Variants in PIK3C2A observed in about 807,000 individuals in gnomAD.
PIK3C2A encodes phosphatidylinositol-4-phosphate 3-kinase catalytic subunit type 2 alpha, also known as phosphatidylinositol 4-phosphate 3-kinase C2 domain-containing subunit alpha.
A neutral mutation model predicts 204.5 loss-of-function variants in PIK3C2A; 97 were observed. The observed-to-expected ratio is 0.47, with a 90% CI of 0.40 to 0.56. The LOEUF (loss-of-function observed/expected upper bound fraction) is 0.56. Among genes scored for constraint, PIK3C2A ranks in the 20% least tolerant of loss-of-function variants. The pLI is 0.00. For synonymous variants in PIK3C2A, 653 were observed against 664.4 expected, an observed-to-expected ratio of 0.98 and a Z score of 0.26; for missense variants, 1,735 against 1,969.2, an observed-to-expected ratio of 0.88 and a Z score of 2.25.
Position 17,135,129 on chromosome 11 carries a change from T to G in PIK3C2A, c.1879A>C (p.Ser627Arg). The G allele has an allele frequency of 6.2e-7, 1 of 1,614,068 alleles. No individual in the cohort carries two copies. Among genetic ancestry groups the G allele is most frequent in the South Asian group, 1.1e-5 (1 of 91,080 alleles). ...CACATACCCCTAGTTGAACTCCTGC[T>G]AGTGTCTTCTCCTCCAAACAAAGAA... ...VTSLFGGEDT[S>R]RSSTRGSLNP... The change falls in exon 10 of 33, where the codon AGC becomes CGC. Residue 627 changes from serine (S) to arginine (R), a missense_variant. Coordinates refer to ENST00000691414, the MANE Select transcript of PIK3C2A (RefSeq NM_002645.4).
intron 1 of PIK3C2A, among the ~76,000 whole-genome samples, chr11:17,207,440 T>A (rs949733680): frequency 5.3e-5 from 8 of 151,994 alleles, no homozygotes; most frequent in African/African-American, 1.9e-4. Context: ...TCGCCAGAAC[T>A]AACAATCTGC....
intron 21 of PIK3C2A, 92 bp from the exon 22 acceptor site, chr11:17,110,653 A>G: frequency 1.7e-6 from 2 of 1,163,908 alleles, no homozygotes; most frequent in Non-Finnish European, 2.4e-6. Context: ...GCACTTTGGG[A>G]GGCCAAAGTG....
At position 17,091,777 on chromosome 11, in the gene PIK3C2A, G is replaced by A; in HGVS notation, c.4643-121C>T. ...GTGCGGACAGAAGGGAGGGGAAAAA[G>A]GAGTAAACAACCTGATAGGTCATTG... On this transcript the variant is annotated intron_variant, in intron 30 of 32. Transcript: ENST00000691414. 7.1e-6 allele frequency: 5 copies of A among 699,794 alleles called. 2 individuals carry two copies. The South Asian group carries it at 9.1e-5, about 13-fold the overall frequency. The allele number at this position is 699,794 out of a possible 1,614,324, so 43.3% of individuals were successfully genotyped here.
At chr11:17,102,290 A>C (rs921457541) in intron 24 of PIK3C2A, among the ~76,000 whole-genome samples, 6 of 152,074 alleles carry the variant, frequency 3.9e-5, no homozygotes, top group African/African-American at 1.4e-4. Flanking sequence ...CAAAAAAATT[A>C]GCCGGGCGTG....
intron 1 of PIK3C2A, among the ~76,000 whole-genome samples, chr11:17,187,527 T>C (rs1403342655): frequency 6.6e-6 from 1 of 152,172 alleles, no homozygotes; most frequent in Non-Finnish European, 1.5e-5. Flanking sequence ...CTGCACCCAT[T>C]AGCAGAGTTT....
At chr11:17,102,093 TAA>T (rs1366255230) in intron 24 of PIK3C2A, among the ~76,000 whole-genome samples, 3 of 152,120 alleles carry the variant, frequency 2.0e-5, no homozygotes, top group Non-Finnish European at 1.5e-5. Flanking sequence ...CATTTCTTTC[TAA>T]GAGTTATCGC....
intron 1 of PIK3C2A, among the ~76,000 whole-genome samples, chr11:17,205,473 CAAAAAAA>C (rs755518412): frequency 0.013 from 321 of 25,362 alleles, no homozygotes; most frequent in South Asian, 0.031. Flanking sequence ...GACTCCATCT[CAAAAAAA>C]AAAAAAAAAA....
rs762596088 is a variant in PIK3C2A at position 17,099,931 on chromosome 11, T to C, written c.4047A>G (p.Gln1349=). ...PSGLPELTSI[Q]DLKYVRDALQ... is the part of the protein sequence containing the mutation. ...GTGCATCTCTAACGTATTTCAAATC[T>C]TGAATACTTGTAAGTTCTGGTAACC... Residue 1349 remains glutamine, a synonymous_variant, in exon 26 of 33, where the codon CAA becomes CAG. Transcript: ENST00000691414. 6.3e-6 allele frequency: 10 copies of C among 1,592,302 alleles called. No individual in the cohort carries two copies. Among genetic ancestry groups the C allele is most frequent in the South Asian group, 1.1e-5 (1 of 90,392 alleles).
At position 17,147,546 on chromosome 11, in the gene PIK3C2A, T is replaced by C; in HGVS notation, c.1531A>G (p.Ser511Gly). The change falls in exon 6 of 33, where the codon AGT becomes GGT. Residue 511 changes from serine (S) to glycine (G), a missense_variant. Ser to Gly is a moderately conservative substitution (Grantham distance 56). Transcript: ENST00000691414. ...TEIRLQLLTF[S>G]AMCQNLARTA... is the part of the protein sequence containing the mutation. ...CGGGCCAGATTTTGACACATTGCAC[T>C]GAAGGTCAAGAGTTGTAGTCTAATT... 1 of 1,609,810 alleles carries C rather than the reference T, an allele frequency of 6.2e-7. No homozygotes were observed. Among genetic ancestry groups the C allele is most frequent in the Non-Finnish European group, 8.5e-7 (1 of 1,176,098 alleles).
At position 17,169,575 on chromosome 11, in the gene PIK3C2A, T is replaced by A; in HGVS notation, c.167A>T (p.Glu56Val). The A allele has an allele frequency of 6.2e-7, 1 of 1,614,172 alleles. No homozygotes were observed. Among genetic ancestry groups the A allele is most frequent in the Admixed American group, 1.7e-5 (1 of 60,028 alleles). ...RQVTDNQRGF[E>V]LSSSTRKKAQ... The stretch of plus-strand genomic sequence containing the variant: ...TTTTTTTCTGGTGCTGCTTGACAAC[T>A]CAAAGCCTCTCTGATTGTCAGTCAC... Residue 56 changes from glutamate (E) to valine (V), a missense_variant, in exon 2 of 33, where the codon GAG becomes GTG. Physicochemically the swap from Glu to Val is moderately radical, Grantham distance 121 (BLOSUM62 -2). Around this residue, in one of 6 missense-constraint regions of PIK3C2A, gnomAD observed 536 missense variants for 546.7 expected, o/e 0.98. Coordinates refer to ENST00000691414, the MANE Select transcript of PIK3C2A (RefSeq NM_002645.4).
At position 17,181,659 on chromosome 11, in the gene PIK3C2A, T is replaced by TACACACACACACAC. The variant is rs71047535; in HGVS notation, c.-65-11867_-65-11854dup. On this transcript the variant is annotated intron_variant, in intron 1 of 32. Coordinates refer to ENST00000691414, the MANE Select transcript of PIK3C2A (RefSeq NM_002645.4). ...ATATATATATATATATATATATATA[T>TACACACACACACAC]ACACACACACACACACACACACACA... Among the ~76,000 whole-genome samples, 42 of 113,124 alleles carry TACACACACACACAC rather than the reference T, an allele frequency of 3.7e-4. 2 individuals are homozygous for TACACACACACACAC. Among genetic ancestry groups the TACACACACACACAC allele is most frequent in the African/African-American group, 1.7e-3 (38 of 22,648 alleles). 74.2% of individuals were successfully genotyped at this position (113,124 alleles called of 152,430 possible). A position where few individuals can be genotyped will look rare whatever the true frequency, so the allele number is the denominator to read the frequency against.
intron 1 of PIK3C2A, among the ~76,000 whole-genome samples, chr11:17,204,021 C>T (rs1179868777): frequency 6.6e-6 from 1 of 151,284 alleles, no homozygotes. Context: ...TTGCAGTGAG[C>T]GGAGATCACG....
intron 23 of PIK3C2A, among the ~76,000 whole-genome samples, chr11:17,104,932 G>A (rs554404204): frequency 6.6e-6 from 1 of 152,082 alleles, no homozygotes; most frequent in East Asian, 1.9e-4. Context: ...TGTTTTGCTG[G>A]CCTCTAAGTA....
chr11:17,166,769 C>T lies in PIK3C2A; in HGVS notation c.1065+1908G>A, dbSNP rs184865999. Among the ~76,000 whole-genome samples the T allele has an allele frequency of 3.0e-4, 45 of 152,316 alleles. No homozygotes were observed. In the East Asian group the frequency reaches 8.5e-3, roughly 29 times the overall value. ...GCCCTTCCCAAACAACTATAAACAG[C>T]TGACATCTTAAATCCAGACTACATC... On this transcript the variant is annotated intron_variant, in intron 2 of 32. Coordinates refer to ENST00000691414, the MANE Select transcript of PIK3C2A (RefSeq NM_002645.4).
At chr11:17,172,037 T>A (rs1851186995) in intron 1 of PIK3C2A, among the ~76,000 whole-genome samples, 1 of 152,232 alleles carries the variant, frequency 6.6e-6, no homozygotes, top group Admixed American at 6.5e-5. Flanking sequence ...AGTATTCACT[T>A]TGAAATTCTT....
chr11:17,161,551 G>C (rs1398006915), intron 2 of PIK3C2A, among the ~76,000 whole-genome samples: 1 of 152,032 alleles, frequency 6.6e-6, no homozygotes, highest in African/African-American at 2.4e-5. Flanking sequence ...TTAACTAAAA[G>C]CCTGATTTAA....
intron 22 of PIK3C2A, among the ~76,000 whole-genome samples, chr11:17,109,710 C>T (rs191788013): frequency 1.1e-3 from 168 of 152,156 alleles, no homozygotes; most frequent in African/African-American, 3.7e-3. Flanking sequence ...ACTATTTATT[C>T]ATTTTTGTAG....
In PIK3C2A at chr11:17,189,711, A is replaced by AT. The variant is rs141281916; in HGVS notation, c.-66+18136dup. On this transcript the variant is annotated intron_variant, in intron 1 of 32. Coordinates refer to ENST00000691414, the MANE Select transcript of PIK3C2A (RefSeq NM_002645.4). The stretch of plus-strand genomic sequence containing the variant: ...ACATTTCCCCTCCCTAATATTAGTG[A>AT]TTTTAAAAGAAGACAGTTTTGGAGA... 6.7e-3 allele frequency among the ~76,000 whole-genome samples: 1,000 copies of AT among 149,350 alleles called. 26 individuals are homozygous for AT. The highest frequency in any genetic ancestry group is 0.023 in the African/African-American group (953 of 40,950).
chr11:17,165,531 G>A (rs986635871), intron 2 of PIK3C2A, among the ~76,000 whole-genome samples: 1 of 152,088 alleles, frequency 6.6e-6, no homozygotes, highest in South Asian at 2.1e-4. Flanking sequence ...ATCCCAGCAC[G>A]TTGGAAGGCT....
Sources: gnomAD v4.1 joint callset for allele counts (sites outside exome capture counted in the v4.1 genomes callset) on GRCh38, gnomAD v4.1.1 for gene constraint, gnomAD v4.1.1 regional missense constraint, MANE v1.5 for transcripts, NCBI Gene and HGNC (gene_info 2026-07-23, HGNC 2026-07-21) for gene names.